PRELID2: variants seen among roughly 807,000 people sequenced by gnomAD.
The protein encoded by PRELID2 is PRELI domain containing 2, also known as PRELI domain-containing protein 2.
A neutral mutation model predicts 28.4 loss-of-function variants in PRELID2; 25 were observed. That is an observed-to-expected ratio of 0.88 (90% CI 0.64 to 1.23). PRELID2 has a LOEUF of 1.23. Among genes scored for constraint, PRELID2 ranks in the 50% most tolerant of loss-of-function variants. The pLI, the probability that PRELID2 is intolerant of heterozygous loss-of-function variation, is 0.00. For missense variants in PRELID2, 201 were observed against 214.4 expected, an observed-to-expected ratio of 0.94 and a Z score of 0.39; for synonymous variants, 76 against 71.6, an observed-to-expected ratio of 1.06 and a Z score of -0.31.
At chr5:145,574,938 T>C (rs1753047956) in intron 1 of PRELID2, among the ~76,000 whole-genome samples, 1 of 152,184 alleles carries the variant, frequency 6.6e-6, no homozygotes, top group African/African-American at 2.4e-5. Context: ...ATGTATTTTT[T>C]CAAATATTTT....
At chr5:145,447,609 T>A in the PRELID2 span, among the ~76,000 whole-genome samples, 1 of 119,010 alleles carries the variant, frequency 8.4e-6, no homozygotes, top group African/African-American at 3.2e-5. Context: ...CTCCCGATGC[T>A]ATCCCTCCCC....
intron 5 of PRELID2, 132 bp downstream of exon 5, chr5:145,796,310 T>G (rs1255721549): frequency 4.2e-6 from 2 of 480,404 alleles, no homozygotes; most frequent in Admixed American, 3.5e-5. Context: ...AGGTTGATTA[T>G]TTTTGCATAT....
chr5:145,473,992 T>A (rs1752077880), intron 1 of PRELID2, among the ~76,000 whole-genome samples: 2 of 152,200 alleles, frequency 1.3e-5, no homozygotes, highest in Non-Finnish European at 2.9e-5. Context: ...CCGCCTTAGT[T>A]AGTAACAGAT....
At chr5:145,514,412 A>G (rs78899287) in intron 1 of PRELID2, among the ~76,000 whole-genome samples, 6 of 152,150 alleles carry the variant, frequency 3.9e-5, no homozygotes, top group African/African-American at 7.2e-5. Flanking sequence ...AGGGCATTAC[A>G]TAATGGTAAA....
intron 1 of PRELID2, among the ~76,000 whole-genome samples, chr5:145,677,087 T>C (rs577963595): frequency 2.6e-4 from 40 of 151,878 alleles, no homozygotes; most frequent in African/African-American, 8.9e-4. Flanking sequence ...TAAGAAATTA[T>C]TAATTATTTT....
chr5:145,658,709 T>G (rs1031309263), intron 1 of PRELID2, among the ~76,000 whole-genome samples: 2 of 152,196 alleles, frequency 1.3e-5, no homozygotes, highest in Non-Finnish European at 2.9e-5. Context: ...CCAATGCTGC[T>G]GCCATGATTC....
chr5:145,657,280 A>T (rs1001318829), intron 1 of PRELID2, among the ~76,000 whole-genome samples: 6 of 152,208 alleles, frequency 3.9e-5, no homozygotes, highest in South Asian at 4.1e-4. Context: ...GAATTTTTTT[A>T]AAATAGAAAA....
At chr5:145,520,028 A>T (rs931503582) in intron 1 of PRELID2, among the ~76,000 whole-genome samples, 2 of 152,212 alleles carry the variant, frequency 1.3e-5, no homozygotes, top group African/African-American at 4.8e-5. Flanking sequence ...AGTAGTCAGG[A>T]TTCCGACCAA....
chr5:145,266,368 A>C, the PRELID2 span, among the ~76,000 whole-genome samples: 1 of 152,088 alleles, frequency 6.6e-6, no homozygotes, highest in Non-Finnish European at 1.5e-5. Context: ...GCAAAAAAAA[A>C]AAAGGGCTAA....
At chr5:145,454,123 T>C in the PRELID2 span, among the ~76,000 whole-genome samples, 1 of 152,248 alleles carries the variant, frequency 6.6e-6, no homozygotes, top group South Asian at 2.1e-4. Flanking sequence ...CTCTCCAGCA[T>C]CTTCTGTTTC....
intron 1 of PRELID2, among the ~76,000 whole-genome samples, chr5:145,605,689 CT>C (rs1454579761): frequency 6.6e-6 from 1 of 151,398 alleles, no homozygotes; most frequent in African/African-American, 2.4e-5. Flanking sequence ...TTTTAAAATA[CT>C]TTTTTCTAAT....
chr5:145,823,268 A>G (rs1276291252), intron 1 of PRELID2, 134 bp from the exon 2 acceptor site: 2 of 559,832 alleles, frequency 3.6e-6, no homozygotes. Flanking sequence ...GTTTTGAATC[A>G]TGGATCTTAA....
At chr5:145,248,975 G>A in the PRELID2 span, among the ~76,000 whole-genome samples, 3 of 152,050 alleles carry the variant, frequency 2.0e-5, no homozygotes, top group Non-Finnish European at 4.4e-5. Context: ...AGGCTATCAC[G>A]TGTTTCACTT....
chr5:145,395,991 G>A, the PRELID2 span, among the ~76,000 whole-genome samples: 1 of 152,042 alleles, frequency 6.6e-6, no homozygotes, highest in Non-Finnish European at 1.5e-5. Context: ...TTCTTCACTT[G>A]CCTGAATTGT....
chr5:145,449,889 C>A, the PRELID2 span, among the ~76,000 whole-genome samples: 23 of 152,094 alleles, frequency 1.5e-4, no homozygotes, highest in African/African-American at 4.3e-4. Context: ...TAGAACAGGG[C>A]CTGCCGTGCT....
chr5:145,628,686 T>C (rs1303224069), intron 1 of PRELID2, among the ~76,000 whole-genome samples: 1 of 152,174 alleles, frequency 6.6e-6, no homozygotes, highest in African/African-American at 2.4e-5. Flanking sequence ...AACCCCTTTA[T>C]CACAGCCAGC....
intron 4 of PRELID2, among the ~76,000 whole-genome samples, chr5:145,811,945 A>G (rs989498321): frequency 3.9e-5 from 6 of 152,156 alleles, no homozygotes; most frequent in Non-Finnish European, 7.4e-5. Flanking sequence ...CCCTTCTACT[A>G]TGTCCCAATT....
At chr5:145,670,519 T>C (rs1308158770) in intron 1 of PRELID2, among the ~76,000 whole-genome samples, 1 of 152,202 alleles carries the variant, frequency 6.6e-6, no homozygotes, top group Non-Finnish European at 1.5e-5. Flanking sequence ...TTTGTATCCC[T>C]GGTTTTTAGC....
intron 5 of PRELID2, among the ~76,000 whole-genome samples, chr5:145,772,401 C>T (rs1758163796): frequency 6.6e-6 from 1 of 152,056 alleles, no homozygotes; most frequent in Non-Finnish European, 1.5e-5. Context: ...CTGTGTTGTG[C>T]TGCTGTAACA....
Sources: gnomAD v4.1 joint callset for allele counts (sites outside exome capture counted in the v4.1 genomes callset) on GRCh38, gnomAD v4.1.1 for gene constraint, MANE v1.5 for transcripts, NCBI Gene and HGNC (gene_info 2026-07-23, HGNC 2026-07-21) for gene names.